LAMA5: variants seen among roughly 807,000 people sequenced by gnomAD.
The protein encoded by LAMA5 is laminin subunit alpha-5.
Under a neutral mutation model 433.4 loss-of-function variants are expected in LAMA5, and 260 were observed. The observed-to-expected ratio is 0.60, with a 90% CI of 0.54 to 0.66. LAMA5 has a LOEUF of 0.66. Ranked by LOEUF, LAMA5 falls within the 30% of genes least tolerant of loss-of-function variation. The probability of loss-of-function intolerance (pLI) is 0.00; values close to 1 mark genes in which losing one functional copy is unlikely to be tolerated. For synonymous variants in LAMA5, 2,620 were observed against 2,226.6 expected (o/e 1.18, Z -4.97); for missense variants, 5,378 against 5,258.5 (o/e 1.02, Z -0.70).
rs774677106 is a variant in LAMA5 at position 62,327,945 on chromosome 20, C to T, written c.4718G>A (p.Arg1573His). 37 of 1,612,324 alleles carry T rather than the reference C, an allele frequency of 2.3e-5. No homozygotes were observed. Among genetic ancestry groups the T allele is most frequent in the South Asian group, 1.5e-4 (14 of 91,070 alleles). ...CTCGTGACAGTCACAGGGGCGGCAGCGGGGGTAGCCATGGAAGCCCGGAGA... is the reference window on the plus strand; with the variant it reads ...CTCGTGACAGTCACAGGGGCGGCAGTGGGGGTAGCCATGGAAGCCCGGAGA... ...TCSPGFHGYP[R>H]CRPCDCHEAG... is the part of the protein sequence containing the mutation. The change falls in exon 36 of 80, where the codon CGC (arginine) becomes CAC (histidine). Residue 1573 changes from arginine to histidine, a missense_variant. Coordinates refer to ENST00000252999, the MANE Select transcript of LAMA5 (RefSeq NM_005560.6).
intron 52 of LAMA5, 83 bp downstream of exon 52, chr20:62,318,760 T>C: frequency 6.4e-7 from 1 of 1,572,416 alleles, no homozygotes; most frequent in South Asian, 1.1e-5. Context: ...GCCCACCTGA[T>C]GCCACTCCAT....
At chr20:62,363,769 T>C (rs1415196580) in intron 1 of LAMA5, among the ~76,000 whole-genome samples, 1 of 151,942 alleles carries the variant, frequency 6.6e-6, no homozygotes, top group East Asian at 1.9e-4. Flanking sequence ...GCTGGGGAGA[T>C]GCCTTCTCCC....
chr20:62,313,009 C>T lies in LAMA5; in HGVS notation c.8957G>A (p.Ser2986Asn). 1.3e-6 allele frequency: 2 copies of T among 1,583,072 alleles called. No individual in the cohort carries two copies. The highest frequency in any genetic ancestry group is 2.3e-5 in the South Asian group (2 of 86,922). ...TTGCACGGCCAAGCACAGGAACTGG[C>T]TCTGCAGAAACAGGGCAGGGTTAGT... ...SGVLFFLKQQ[S>N]QFLCLAVQEG... Residue 2986 changes from serine (S) to asparagine (N), a missense_variant and splice_region_variant, in exon 66 of 80, where the codon AGC (serine) becomes AAC (asparagine). Transcript: ENST00000252999.
At chr20:62,337,039 T>A (rs1981757664) in intron 16 of LAMA5, 3 of 663,530 alleles carry the variant, frequency 4.5e-6, no homozygotes, top group African/African-American at 1.8e-5. Flanking sequence ...CCGTGTACAT[T>A]CCACACGCAG....
Position 62,318,458 on chromosome 20 carries a change from G to T in LAMA5, c.7235C>A (p.Ala2412Asp). Reference protein sequence around the residue: ...NSRNQERLEEALQRKQELSRD... With the variant: ...NSRNQERLEEDLQRKQELSRD... ...GAACAAGTCCGGGGTCCTCACCAGG[G>T]CTTCCTCCAGGCGCTCCTGGTTGCG... The change falls in exon 53 of 80, where the codon GCC (alanine) becomes GAC (aspartate). Residue 2412 changes from alanine to aspartate, a missense_variant. Physicochemically the swap from Ala to Asp is moderately radical, Grantham distance 126. Coordinates refer to ENST00000252999, the MANE Select transcript of LAMA5 (RefSeq NM_005560.6). 6.3e-7 allele frequency: 1 copy of T among 1,598,488 alleles called. No homozygotes were observed.
intron 57 of LAMA5, 119 bp downstream of exon 57, chr20:62,316,552 C>T (rs1269201819): frequency 2.6e-6 from 2 of 755,194 alleles, no homozygotes; most frequent in African/African-American, 1.8e-5. Flanking sequence ...GCTCTCCCAC[C>T]CCAAACCATG....
rs1978812453 is a variant in LAMA5, at chr20:62,324,003, A to G, written c.5768+77T>C. The G allele has an allele frequency of 7.0e-7, 1 of 1,430,850 alleles. No homozygotes were observed. The highest frequency in any genetic ancestry group is 1.4e-5 in the African/African-American group (1 of 69,764). The allele number at this position is 1,430,850 out of a possible 1,614,324, so 88.6% of individuals were successfully genotyped here. Reference sequence around the variant, plus strand: ...AGCTGTCCAGGCCTCTGCAGAGGGCAGTGGGAACCCACCCCGCTGCTGGGT... The same window carrying G: ...AGCTGTCCAGGCCTCTGCAGAGGGCGGTGGGAACCCACCCCGCTGCTGGGT... On this transcript the variant is annotated intron_variant, in intron 43 of 79. Transcript: ENST00000252999. This position sits in a 1 kb window ranked among gnomAD's most constrained non-coding sequence, Gnocchi z 4.4.
At chr20:62,328,502 G>A (rs1471625272) in intron 34 of LAMA5, 57 bp from the exon 35 acceptor site, 4 of 1,429,542 alleles carry the variant, frequency 2.8e-6, no homozygotes, top group Admixed American at 5.6e-5. Context: ...CCCTCTCAGA[G>A]GCCCAGAATG....
Position 62,313,762 on chromosome 20 carries a change from G to C in LAMA5, c.8545C>G (p.Gln2849Glu). The C allele has an allele frequency of 6.2e-7, 1 of 1,612,956 alleles. No homozygotes were observed. Among genetic ancestry groups the C allele is most frequent in the Non-Finnish European group, 8.5e-7 (1 of 1,179,984 alleles). ...FGHMSVTVER[Q>E]MIQETKGDTV... Reference sequence around the variant, plus strand: ...TCACCCTTGGTTTCCTGGATCATCTGTCTCTCCACTGTGACGGACATGTGG... The same window carrying C: ...TCACCCTTGGTTTCCTGGATCATCTCTCTCTCCACTGTGACGGACATGTGG... Residue 2849 changes from glutamine to glutamate, a missense_variant, in exon 63 of 80, where the codon CAG becomes GAG. Physicochemically the swap from Gln to Glu is conservative, Grantham distance 29. Coordinates refer to ENST00000252999, the MANE Select transcript of LAMA5 (RefSeq NM_005560.6).
chr20:62,325,242 A>C, intron 41 of LAMA5, 74 bp downstream of exon 41: 1 of 947,270 alleles, frequency 1.1e-6, no homozygotes, highest in Non-Finnish European at 1.6e-6. Context: ...AAGGAAGGGA[A>C]CACAGGGAGG....
At chr20:62,319,937 GTTAT>G (rs1453395573) in intron 50 of LAMA5, 142 bp from the exon 51 acceptor site, 2 of 553,886 alleles carry the variant, frequency 3.6e-6, no homozygotes, top group Non-Finnish European at 6.5e-6. Context: ...CTGATGACTT[GTTAT>G]TTATCACTTG....
In LAMA5 at chr20:62,310,506, T is replaced by A; in HGVS notation, c.10513A>T (p.Thr3505Ser). The change falls in exon 76 of 80, where the codon ACA becomes TCA. Residue 3505 changes from threonine to serine, a missense_variant. Coordinates refer to ENST00000252999, the MANE Select transcript of LAMA5 (RefSeq NM_005560.6). Reference protein sequence around the residue: ...RLHGRPLGAPTRMAGVTPCIL... With the variant: ...RLHGRPLGAPSRMAGVTPCIL... The stretch of plus-strand genomic sequence containing the variant: ...CAGGGTGTGACCCCTGCCATCCGTG[T>A]GGGGGCCCCCAGGGGCCTCCCGTGC... The A allele has an allele frequency of 6.4e-7, 1 of 1,560,890 alleles. No homozygotes were observed. The highest frequency in any genetic ancestry group is 1.4e-5 in the African/African-American group (1 of 72,802).
intron 73 of LAMA5, 26 bp from the exon 74 acceptor site, chr20:62,311,120 G>A (rs1986222205): frequency 6.4e-7 from 1 of 1,563,964 alleles, no homozygotes; most frequent in Non-Finnish European, 8.7e-7. Flanking sequence ...GCGTCAGCCT[G>A]CGCGGCCCCT....
At position 62,359,249 on chromosome 20, in the gene LAMA5, C is replaced by T. The variant is rs1985679881; in HGVS notation, c.450+3151G>A. 1.3e-5 allele frequency among the ~76,000 whole-genome samples: 2 copies of T among 152,164 alleles called. No homozygotes were observed. The highest frequency in any genetic ancestry group is 1.3e-4 in the Admixed American group (2 of 15,290). ...CCTCTGCTGGGGAGAGCCCCGCCCC[C>T]ACGGTCAGGCCACCCAGGGGCCGAC... On this transcript the variant is annotated intron_variant, in intron 2 of 79. Coordinates refer to ENST00000252999, the MANE Select transcript of LAMA5 (RefSeq NM_005560.6). This position sits in a 1 kb window ranked among gnomAD's most constrained non-coding sequence, Gnocchi z 4.3.
In LAMA5 at chr20:62,346,731, T is replaced by C; in HGVS notation, c.1142A>G (p.Gln381Arg). ...DPEVDRRRAS[Q>R]SLDGTYQGGG... ...ACCCTGATAGGTGCCATCCAGGCTC[T>C]GGCTGGCGCGGCGCCGGTCCACCTC... The change falls in exon 8 of 80, where the codon CAG becomes CGG. Residue 381 changes from glutamine (Q) to arginine (R), a missense_variant. Physicochemically the swap from Gln to Arg is conservative, Grantham distance 43. Transcript: ENST00000252999. The C allele has an allele frequency of 6.2e-7, 1 of 1,613,246 alleles. No individual in the cohort carries two copies. The highest frequency in any genetic ancestry group is 8.5e-7 in the Non-Finnish European group (1 of 1,179,924).
chr20:62,349,500 G>A (rs2146295551), intron 6 of LAMA5, among the ~76,000 whole-genome samples: 1 of 150,876 alleles, frequency 6.6e-6, no homozygotes, highest in Non-Finnish European at 1.5e-5. Flanking sequence ...GAGAGATGCA[G>A]CTATCAACCA....
At chr20:62,345,521 C>A in intron 11 of LAMA5, 1 of 513,606 alleles carries the variant, frequency 1.9e-6, no homozygotes, top group Non-Finnish European at 3.6e-6. Flanking sequence ...ATCCTTCCAC[C>A]TCAGCCTCCG....
At chr20:62,318,008 GGGGAGGGGACA>G (rs1987172252) in intron 53 of LAMA5, among the ~76,000 whole-genome samples, 1 of 11,986 alleles carries the variant, frequency 8.3e-5, no homozygotes, top group South Asian at 1.7e-3. Flanking sequence ...GGGGCAAAAG[GGGGAGGGGACA>G]GGGAGGGGGA....
rs902996403 is a variant in LAMA5 at position 62,314,298 on chromosome 20, T to A, written c.8504+6A>T. The A allele has an allele frequency of 1.2e-6, 2 of 1,612,544 alleles. No homozygotes were observed. The highest frequency in any genetic ancestry group is 2.7e-5 in the African/African-American group (2 of 74,834). ...AGGCATCCGGCCTCTCTCCTGGGCC[T>A]CCCACCTGTCCAGGCTGACAGCTGC... On this transcript the variant is annotated splice_donor_region_variant and intron_variant, in intron 62 of 79. Transcript: ENST00000252999.
Sources: allele counts gnomAD v4.1 joint callset (sites outside exome capture counted in the v4.1 genomes callset), GRCh38; gene constraint gnomAD v4.1.1; non-coding constraint Gnocchi (gnomAD v3.1); transcripts MANE v1.5; gene names NCBI Gene and HGNC (gene_info 2026-07-23, HGNC 2026-07-21).